SMYD3: variants seen among roughly 807,000 people sequenced by gnomAD.
The protein encoded by SMYD3 is SET and MYND domain containing 3, also known as histone-lysine N-methyltransferase SMYD3.
A neutral mutation model predicts 57.7 loss-of-function variants in SMYD3; 36 were observed. That is an observed-to-expected ratio of 0.62 (90% CI 0.48 to 0.82). The LOEUF is 0.82. Ranked by LOEUF, SMYD3 falls within the 40% of genes least tolerant of loss-of-function variation. The probability of loss-of-function intolerance (pLI) is 0.00; values close to 1 mark genes in which losing one functional copy is unlikely to be tolerated. For synonymous variants in SMYD3, 211 were observed against 195.0 expected (o/e 1.08, Z -0.68); for missense variants, 515 against 538.8 (o/e 0.96, Z 0.44).
intron 1 of SMYD3, among the ~76,000 whole-genome samples, chr1:246,494,258 C>T (rs568459670): frequency 2.6e-5 from 4 of 152,350 alleles, no homozygotes; most frequent in South Asian, 2.1e-4. Flanking sequence ...AACAGCACTT[C>T]GCTGCAGTCA....
intron 5 of SMYD3, among the ~76,000 whole-genome samples, chr1:246,240,450 A>C (rs975618725): frequency 1.3e-5 from 2 of 152,168 alleles, no homozygotes; most frequent in East Asian, 1.9e-4. Flanking sequence ...ATTGATCTAT[A>C]TCTCTGTTTT....
chr1:246,451,181 A>G (rs2067627879), intron 1 of SMYD3, among the ~76,000 whole-genome samples: 1 of 152,264 alleles, frequency 6.6e-6, no homozygotes, highest in Non-Finnish European at 1.5e-5. Context: ...CTGGCCTTCA[A>G]TAAATATCTG....
intron 5 of SMYD3, among the ~76,000 whole-genome samples, chr1:246,273,496 C>CT (rs938262369): frequency 1.4e-5 from 2 of 138,824 alleles, no homozygotes; most frequent in Admixed American, 7.2e-5. Context: ...TTGGAATCTT[C>CT]TTTTTTCTTA....
chr1:246,481,607 T>TAC lies in SMYD3; in HGVS notation c.164+25445_164+25446dup, dbSNP rs1553354777. The stretch of plus-strand genomic sequence containing the variant: ...TTCTCAGGCTCCATATATATATATA[T>TAC]ACACATACATATATACATACATACA... On this transcript the variant is annotated intron_variant, in intron 1 of 11. Transcript: ENST00000490107. 1.5e-3 allele frequency among the ~76,000 whole-genome samples: 91 copies of TAC among 61,980 alleles called. 16 individuals carry two copies. Among genetic ancestry groups the TAC allele is most frequent in the Non-Finnish European group, 2.1e-3 (64 of 30,056 alleles). The allele number at this position is 61,980 out of a possible 152,430, so 40.7% of individuals were successfully genotyped here. A position where few individuals can be genotyped will look rare whatever the true frequency, so the allele number is the denominator to read the frequency against.
intron 8 of SMYD3, among the ~76,000 whole-genome samples, chr1:245,908,902 A>G (rs2054768058): frequency 6.6e-6 from 1 of 152,168 alleles, no homozygotes; most frequent in Non-Finnish European, 1.5e-5. Flanking sequence ...ATGTATCTCA[A>G]GGAACTAGAA....
At chr1:246,051,577 T>C (rs905073710) in intron 5 of SMYD3, among the ~76,000 whole-genome samples, 10 of 152,002 alleles carry the variant, frequency 6.6e-5, no homozygotes, top group African/African-American at 2.4e-4. Flanking sequence ...AATTTATAGA[T>C]TAAATGCTTA....
intron 8 of SMYD3, among the ~76,000 whole-genome samples, chr1:245,869,338 T>C (rs989029628): frequency 3.9e-5 from 6 of 152,240 alleles, no homozygotes; most frequent in Non-Finnish European, 7.3e-5. Flanking sequence ...GTTCCAGCGC[T>C]GGTGGCATCT....
intron 5 of SMYD3, among the ~76,000 whole-genome samples, chr1:246,224,548 G>A (rs1469968168): frequency 6.6e-6 from 1 of 151,930 alleles, no homozygotes; most frequent in Non-Finnish European, 1.5e-5. Context: ...AAGGTTTTAA[G>A]GGAAGGTGCA....
At chr1:245,895,313 C>A (rs1030259286) in intron 8 of SMYD3, among the ~76,000 whole-genome samples, 3 of 152,134 alleles carry the variant, frequency 2.0e-5, no homozygotes, top group African/African-American at 4.8e-5. Context: ...CGCACACGCA[C>A]GCACACACTT....
intron 1 of SMYD3, among the ~76,000 whole-genome samples, chr1:246,450,042 C>G (rs558167695): frequency 6.6e-6 from 1 of 152,270 alleles, no homozygotes; most frequent in East Asian, 1.9e-4. Context: ...TATCCCAGCA[C>G]TTTGGGAGGC....
chr1:246,181,231 T>C (rs1047592162), intron 5 of SMYD3, among the ~76,000 whole-genome samples: 10 of 152,164 alleles, frequency 6.6e-5, no homozygotes, highest in African/African-American at 2.4e-4. Context: ...TTTACAAATT[T>C]CTAATACAAA....
At chr1:246,097,177 C>G (rs996164315) in intron 5 of SMYD3, among the ~76,000 whole-genome samples, 11 of 152,204 alleles carry the variant, frequency 7.2e-5, no homozygotes, top group African/African-American at 2.7e-4. Flanking sequence ...CAGGAACAGA[C>G]TTCACAGCAA....
At chr1:246,040,768 G>C (rs1008826865) in intron 5 of SMYD3, among the ~76,000 whole-genome samples, 1 of 152,162 alleles carries the variant, frequency 6.6e-6, no homozygotes, top group Non-Finnish European at 1.5e-5. Context: ...TAGAGCGCTA[G>C]AATTTTGTGG....
At chr1:245,954,651 TC>T (rs1289769471) in intron 5 of SMYD3, among the ~76,000 whole-genome samples, 3 of 151,664 alleles carry the variant, frequency 2.0e-5, no homozygotes, top group Non-Finnish European at 4.4e-5. Flanking sequence ...GCAGCCACTG[TC>T]CAGCCTTGGT....
intron 5 of SMYD3, among the ~76,000 whole-genome samples, chr1:246,313,659 C>T (rs1309086056): frequency 1.3e-5 from 2 of 152,132 alleles, no homozygotes; most frequent in Non-Finnish European, 2.9e-5. Flanking sequence ...TTTTCTTTTA[C>T]TTGACAAGTA....
At chr1:246,305,354 A>G (rs2064962533) in intron 5 of SMYD3, among the ~76,000 whole-genome samples, 1 of 152,238 alleles carries the variant, frequency 6.6e-6, no homozygotes, top group Non-Finnish European at 1.5e-5. Flanking sequence ...AAGCCTCAGC[A>G]GAAGAGCTTC....
intron 5 of SMYD3, among the ~76,000 whole-genome samples, chr1:246,165,435 T>C (rs992003939): frequency 6.6e-6 from 1 of 152,038 alleles, no homozygotes; most frequent in Non-Finnish European, 1.5e-5. Context: ...ACTAGATAAC[T>C]AGTAGAGTGA....
At chr1:246,031,758 T>C (rs926759554) in intron 5 of SMYD3, among the ~76,000 whole-genome samples, 6 of 147,434 alleles carry the variant, frequency 4.1e-5, no homozygotes, top group African/African-American at 1.5e-4. Flanking sequence ...AAAAAGTTAG[T>C]GAAGAAGCTG....
Position 246,448,703 on chromosome 1 carries a change from T to TA in SMYD3, c.164+58350_164+58351insT, listed in dbSNP as rs1466717931. Among the ~76,000 whole-genome samples the TA allele has an allele frequency of 2.4e-3, 226 of 92,944 alleles. 1 individual carries two copies. Among genetic ancestry groups the TA allele is most frequent in the East Asian group, 5.5e-3 (22 of 4,018 alleles). 61.0% of individuals were successfully genotyped at this position (92,944 alleles called of 152,430 possible). ...CACAGCAAGATCTCATCTCTTTTTTTTAAAAAAAAAAAAAAAAAAAAAAAA... is the reference window on the plus strand; with the variant it reads ...CACAGCAAGATCTCATCTCTTTTTTTATAAAAAAAAAAAAAAAAAAAAAAAA... On this transcript the variant is annotated intron_variant, in intron 1 of 11. Transcript: ENST00000490107.
Sources: gnomAD v4.1 joint callset for allele counts (sites outside exome capture counted in the v4.1 genomes callset) on GRCh38, gnomAD v4.1.1 for gene constraint, MANE v1.5 for transcripts, NCBI Gene and HGNC (gene_info 2026-07-23, HGNC 2026-07-21) for gene names.